The following RBFOX1 variants were observed in gnomAD, a reference collection of about 807,000 sequenced individuals.
RBFOX1 encodes the protein RNA binding fox-1 homolog 1.
A neutral mutation model predicts 57.7 loss-of-function variants in RBFOX1; 8 were observed. The ratio of observed to expected loss-of-function variants is 0.14; its 90% CI spans 0.08 to 0.25. RBFOX1 has a LOEUF of 0.25. Among genes scored for constraint, RBFOX1 ranks in the 10% least tolerant of loss-of-function variants. The probability of loss-of-function intolerance (pLI) is 1.00; values close to 1 mark genes in which losing one functional copy is unlikely to be tolerated. For missense variants in RBFOX1, 611 were observed against 548.5 expected (o/e 1.11, Z -1.14); for synonymous variants, 326 against 222.4 (o/e 1.47, Z -4.15).
intron 5 of RBFOX1, among the ~76,000 whole-genome samples, chr16:7,525,134 ATCTCTATCATCTG>A (rs887435177): frequency 6.6e-5 from 10 of 152,166 alleles, no homozygotes; most frequent in African/African-American, 2.4e-4. Flanking sequence ...ATCTCCCTCT[ATCTCTATCATCTG>A]TCTCTAATTC....
At chr16:6,313,178 T>G (rs2052647814) in intron 1 of RBFOX1, among the ~76,000 whole-genome samples, 1 of 152,104 alleles carries the variant, frequency 6.6e-6, no homozygotes, top group African/African-American at 2.4e-5. Context: ...TACCCGGGAC[T>G]GGGGGGAAGT....
At chr16:7,564,191 T>C (rs1043858282) in intron 5 of RBFOX1, among the ~76,000 whole-genome samples, 3 of 152,066 alleles carry the variant, frequency 2.0e-5, no homozygotes, top group Non-Finnish European at 4.4e-5. Flanking sequence ...ACAGTATCCA[T>C]ACAGGAGGCA....
At chr16:7,280,025 C>A (rs115416700) in intron 4 of RBFOX1, among the ~76,000 whole-genome samples, 1 of 152,202 alleles carries the variant, frequency 6.6e-6, no homozygotes, top group Non-Finnish European at 1.5e-5. Context: ...ATCACCTGCT[C>A]TGAAGGTGTT....
chr16:6,220,342 C>T (rs1005215192), intron 1 of RBFOX1, among the ~76,000 whole-genome samples: 1 of 151,976 alleles, frequency 6.6e-6, no homozygotes, highest in Admixed American at 6.6e-5. Context: ...GATACTAGGC[C>T]CACCCCTTTA....
At chr16:5,611,553 A>G (rs1209290599) in intron 3 of RBFOX1, among the ~76,000 whole-genome samples, 2 of 152,110 alleles carry the variant, frequency 1.3e-5, no homozygotes, top group Admixed American at 1.3e-4. Flanking sequence ...TGTGTACTCA[A>G]CTTCTTTCAA....
chr16:5,808,134 G>C (rs1044767561), intron 3 of RBFOX1, among the ~76,000 whole-genome samples: 6 of 152,172 alleles, frequency 3.9e-5, no homozygotes, highest in African/African-American at 1.4e-4. Flanking sequence ...TATGGAGATA[G>C]GATTCCAAAG....
chr16:6,911,211 A>G (rs1016696304), intron 3 of RBFOX1, among the ~76,000 whole-genome samples: 2 of 152,076 alleles, frequency 1.3e-5, no homozygotes, highest in Non-Finnish European at 2.9e-5. Context: ...TCAAAAAAAA[A>G]AAAAAAAGCA....
intron 5 of RBFOX1, among the ~76,000 whole-genome samples, chr16:7,567,854 T>TCC (rs201526404): frequency 0.011 from 1,550 of 142,570 alleles, 35 homozygotes; most frequent in African/African-American, 0.039. Context: ...CCTATATATA[T>TCC]CCATATATAT....
intron 3 of RBFOX1, among the ~76,000 whole-genome samples, chr16:6,925,396 A>T (rs1333902569): frequency 1.3e-5 from 2 of 151,726 alleles, no homozygotes; most frequent in African/African-American, 2.4e-5. Flanking sequence ...ACGTGCCGGG[A>T]TTATAGGAGT....
chr16:7,251,056 G>T (rs1425928339), intron 4 of RBFOX1, among the ~76,000 whole-genome samples: 3 of 152,090 alleles, frequency 2.0e-5, no homozygotes, highest in Non-Finnish European at 2.9e-5. Flanking sequence ...TCAAGAACAT[G>T]ATACATGTCA....
chr16:6,539,370 TA>T (rs1376924003), intron 2 of RBFOX1, among the ~76,000 whole-genome samples: 1 of 152,198 alleles, frequency 6.6e-6, no homozygotes, highest in Non-Finnish European at 1.5e-5. Flanking sequence ...GGAAAGCATT[TA>T]GCGTAGCATC....
chr16:5,738,910 A>G (rs1169832002), intron 3 of RBFOX1, among the ~76,000 whole-genome samples: 2 of 152,212 alleles, frequency 1.3e-5, no homozygotes, highest in African/African-American at 2.4e-5. Context: ...GGGAAGATGG[A>G]TGAACTCAAA....
At chr16:6,823,181 G>C (rs1042070402) in intron 3 of RBFOX1, among the ~76,000 whole-genome samples, 4 of 152,018 alleles carry the variant, frequency 2.6e-5, no homozygotes, top group African/African-American at 9.7e-5. Context: ...TAGGGAGCCT[G>C]TGTTCCTTCT....
intron 1 of RBFOX1, among the ~76,000 whole-genome samples, chr16:5,424,832 T>TC (rs201372977): frequency 7.2e-5 from 10 of 139,168 alleles, no homozygotes; most frequent in South Asian, 2.2e-4. Context: ...TCCTCTCCTC[T>TC]CTTTCTTTCT....
Position 6,982,016 on chromosome 16 carries a change from C to G in RBFOX1, c.-15-70041C>G, listed in dbSNP as rs375790678. Among the ~76,000 whole-genome samples, 22 of 152,260 alleles carry G rather than the reference C, an allele frequency of 1.4e-4. 2 individuals are homozygous for G. The highest frequency in any genetic ancestry group is 1.1e-3 in the Admixed American group (17 of 15,286). On this transcript the variant is annotated intron_variant, in intron 3 of 15. Transcript: ENST00000550418. ...GTGTGTAATACAATTTCTTTGAACCCTCGTGTTTTACCTTACAAATTTATG... is the reference window on the plus strand; with the variant it reads ...GTGTGTAATACAATTTCTTTGAACCGTCGTGTTTTACCTTACAAATTTATG...
chr16:7,363,217 C>G (rs1290306828), intron 4 of RBFOX1, among the ~76,000 whole-genome samples: 1 of 152,144 alleles, frequency 6.6e-6, no homozygotes, highest in Non-Finnish European at 1.5e-5. Context: ...TCCTGAGTTC[C>G]TGGGGTCTGG....
chr16:7,434,043 A>G (rs2098703147), intron 4 of RBFOX1, among the ~76,000 whole-genome samples: 1 of 152,200 alleles, frequency 6.6e-6, no homozygotes, highest in Non-Finnish European at 1.5e-5. Flanking sequence ...GTCAAGCCTG[A>G]ATGATCAGAA....
intron 4 of RBFOX1, among the ~76,000 whole-genome samples, chr16:7,259,297 A>C (rs187425503): frequency 5.6e-4 from 85 of 152,318 alleles, no homozygotes; most frequent in African/African-American, 2.0e-3. Context: ...CTTAAACCCT[A>C]TGGAAACACC....
At chr16:6,006,525 G>A (rs1007094472) in intron 4 of RBFOX1, among the ~76,000 whole-genome samples, 2 of 152,224 alleles carry the variant, frequency 1.3e-5, no homozygotes, top group African/African-American at 4.8e-5. Context: ...AAAGAAAGAA[G>A]AGATGGAGAC....
Sources: gnomAD v4.1 joint callset for allele counts (sites outside exome capture counted in the v4.1 genomes callset) on GRCh38, gnomAD v4.1.1 for gene constraint, MANE v1.5 for transcripts, NCBI Gene and HGNC (gene_info 2026-07-23, HGNC 2026-07-21) for gene names.